The following TACC2 variants were observed in gnomAD, a reference collection of about 807,000 sequenced individuals.
TACC2 encodes the protein transforming acidic coiled-coil containing protein 2.
A neutral mutation model predicts 227.3 loss-of-function variants in TACC2; 137 were observed. That is an observed-to-expected ratio of 0.60 (90% CI 0.52 to 0.69). The LOEUF is 0.69. TACC2 is among the 30% of genes least tolerant of loss of function. The pLI, the probability that TACC2 is intolerant of heterozygous loss-of-function variation, is 0.00. For synonymous variants in TACC2, 1,523 were observed against 1,487.5 expected (o/e 1.02, Z -0.55); for missense variants, 3,470 against 3,694.4 (o/e 0.94, Z 1.57).
intron 5 of TACC2, among the ~76,000 whole-genome samples, chr10:122,120,622 C>T (rs1210290033): frequency 6.6e-6 from 1 of 152,200 alleles, no homozygotes; most frequent in Admixed American, 6.5e-5. Flanking sequence ...GGAGCTCAGC[C>T]TCGTGCGGCC....
In TACC2 at chr10:122,084,418, G is replaced by C; in HGVS notation, c.1918G>C (p.Gly640Arg). 6.2e-7 allele frequency: 1 copy of C among 1,612,986 alleles called. No homozygotes were observed. Among genetic ancestry groups the C allele is most frequent in the South Asian group, 1.1e-5 (1 of 91,068 alleles). ...CTCAGCACAGCCACCCAGAAAGGGGGGTGCTGGGCACACGGACGGGCCCCA... is the reference window on the plus strand; with the variant it reads ...CTCAGCACAGCCACCCAGAAAGGGGCGTGCTGGGCACACGGACGGGCCCCA... The part of the protein sequence containing the change: ...SHSAQPPRKG[G>R]AGHTDGPHSQ... Residue 640 changes from glycine to arginine, a missense_variant, in exon 4 of 23, where the codon GGT becomes CGT. Gly to Arg is a moderately radical substitution (Grantham distance 125, BLOSUM62 -2). Coordinates refer to ENST00000369005, the MANE Select transcript of TACC2 (RefSeq NM_206862.4).
At chr10:122,196,949 A>C (rs894576719) in intron 8 of TACC2, among the ~76,000 whole-genome samples, 11 of 150,378 alleles carry the variant, frequency 7.3e-5, no homozygotes, top group African/African-American at 2.0e-4. Flanking sequence ...AAAAAAAAAA[A>C]AACAAAAAAA....
At chr10:122,095,049 G>A (rs774260755) in intron 5 of TACC2, among the ~76,000 whole-genome samples, 2 of 152,222 alleles carry the variant, frequency 1.3e-5, no homozygotes, top group Non-Finnish European at 2.9e-5. Flanking sequence ...TTATGGAGGA[G>A]GAAACTGAGT....
intron 1 of TACC2, among the ~76,000 whole-genome samples, chr10:121,999,108 A>G (rs1276199813): frequency 1.3e-5 from 2 of 151,310 alleles, no homozygotes; most frequent in Non-Finnish European, 2.9e-5. Context: ...TCCCAGGTTC[A>G]AGCGATTCTA....
chr10:122,252,366 G>A (rs924946367), intron 22 of TACC2, among the ~76,000 whole-genome samples: 1 of 152,092 alleles, frequency 6.6e-6, no homozygotes, highest in Non-Finnish European at 1.5e-5. Flanking sequence ...AGGGAACCAG[G>A]GGAGGCCAGA....
At chr10:122,230,141 C>G (rs1245442080) in intron 15 of TACC2, among the ~76,000 whole-genome samples, 1 of 152,230 alleles carries the variant, frequency 6.6e-6, no homozygotes, top group Non-Finnish European at 1.5e-5. Flanking sequence ...TACTTCCTGA[C>G]AATCAGAAGG....
At chr10:122,112,836 T>C (rs2083859533) in intron 5 of TACC2, among the ~76,000 whole-genome samples, 1 of 152,004 alleles carries the variant, frequency 6.6e-6, no homozygotes. Context: ...CGCCTGCCGC[T>C]CTGCGGCCGC....
rs2095232599 is a variant in TACC2 at position 122,209,400 on chromosome 10, T to G, written c.5972-997T>G. On this transcript the variant is annotated intron_variant, in intron 8 of 22. Coordinates refer to ENST00000369005, the MANE Select transcript of TACC2 (RefSeq NM_206862.4). This position sits in a 1 kb window ranked among gnomAD's most constrained non-coding sequence, Gnocchi z 4.5. ...CGTATGCCTTCCTGCAGGATTTCTCTGTCTTCCTGTCCCACTCTTGACCCT... is the reference window on the plus strand; with the variant it reads ...CGTATGCCTTCCTGCAGGATTTCTCGGTCTTCCTGTCCCACTCTTGACCCT... Among the ~76,000 whole-genome samples, 1 of 152,208 alleles carries G rather than the reference T, an allele frequency of 6.6e-6. No individual in the cohort carries two copies. Among genetic ancestry groups the G allele is most frequent in the African/African-American group, 2.4e-5 (1 of 41,452 alleles).
chr10:122,001,333 C>A (rs1393344079), intron 1 of TACC2, among the ~76,000 whole-genome samples: 1 of 152,176 alleles, frequency 6.6e-6, no homozygotes, highest in Non-Finnish European at 1.5e-5. Flanking sequence ...AAGGTTATGT[C>A]TTACATGGTG....
intron 5 of TACC2, among the ~76,000 whole-genome samples, chr10:122,098,195 T>C (rs2081696800): frequency 3.3e-5 from 5 of 152,152 alleles, no homozygotes; most frequent in Admixed American, 3.3e-4. Context: ...GACATCATGA[T>C]CCTAGGTTGT....
chr10:122,023,684 A>T (rs1430800714), intron 2 of TACC2: 1 of 152,086 alleles, frequency 6.6e-6, no homozygotes, highest in Non-Finnish European at 1.5e-5. Flanking sequence ...TAGGAGATAT[A>T]CCTAATGTAA....
At chr10:122,094,679 G>A (rs2081191489) in intron 5 of TACC2, among the ~76,000 whole-genome samples, 1 of 152,184 alleles carries the variant, frequency 6.6e-6, no homozygotes, top group South Asian at 2.1e-4. Context: ...CAGGTGGCTG[G>A]GACAGGCATG....
At chr10:122,052,061 A>G (rs2075762862) in intron 3 of TACC2, 1 of 151,980 alleles carries the variant, frequency 6.6e-6, no homozygotes, top group African/African-American at 2.4e-5. Context: ...TGTCTGTTCC[A>G]TTTCCATGAA....
chr10:122,107,129 CA>C (rs1440804754), intron 5 of TACC2, among the ~76,000 whole-genome samples: 1 of 152,214 alleles, frequency 6.6e-6, no homozygotes, highest in Non-Finnish European at 1.5e-5. Flanking sequence ...ATTATTTAAA[CA>C]AAAGTAAGGA....
intron 7 of TACC2, among the ~76,000 whole-genome samples, chr10:122,148,097 ATTTT>A (rs1172285538): frequency 2.3e-5 from 3 of 131,436 alleles, no homozygotes; most frequent in Admixed American, 1.5e-4. Context: ...CTGAGCCAGA[ATTTT>A]TTTTTTTTTT....
At chr10:122,076,435 T>C (rs2136911128) in intron 3 of TACC2, among the ~76,000 whole-genome samples, 1 of 152,306 alleles carries the variant, frequency 6.6e-6, no homozygotes, top group South Asian at 2.1e-4. Context: ...TTCAATCCAT[T>C]GCACTAACCC....
intron 2 of TACC2, among the ~76,000 whole-genome samples, chr10:122,031,487 C>A (rs1958958054): frequency 6.6e-6 from 1 of 150,928 alleles, no homozygotes; most frequent in African/African-American, 2.4e-5. Context: ...TCACTGCAAC[C>A]TCCACCTTCT....
intron 6 of TACC2, among the ~76,000 whole-genome samples, chr10:122,133,330 C>T (rs1489736038): frequency 6.6e-6 from 1 of 152,182 alleles, no homozygotes; most frequent in African/African-American, 2.4e-5. Context: ...CTACACTGTG[C>T]TTGGCCTGGA....
intron 2 of TACC2, among the ~76,000 whole-genome samples, chr10:122,030,314 T>G (rs1958786733): frequency 1.1e-4 from 16 of 152,202 alleles, no homozygotes; most frequent in Admixed American, 1.0e-3. Context: ...CACTGTTTAC[T>G]TAGCAGAGAC....
Sources: allele counts gnomAD v4.1 joint callset (sites outside exome capture counted in the v4.1 genomes callset), GRCh38; gene constraint gnomAD v4.1.1; non-coding constraint Gnocchi (gnomAD v3.1); transcripts MANE v1.5; gene names NCBI Gene and HGNC (gene_info 2026-07-23, HGNC 2026-07-21).